SOCS2: variants seen among roughly 807,000 people sequenced by gnomAD.
SOCS2 encodes the protein suppressor of cytokine signaling 2, also known as CIS-2.
Under a neutral mutation model 18.6 loss-of-function variants are expected in SOCS2, and 10 were observed. That is an observed-to-expected ratio of 0.54 (90% CI 0.33 to 0.91). The LOEUF is 0.91. SOCS2 is among the 40% of genes least tolerant of loss of function. The pLI is 0.02. For missense variants in SOCS2, 231 were observed against 247.2 expected, an observed-to-expected ratio of 0.93 and a Z score of 0.44; for synonymous variants, 104 against 104.0, an observed-to-expected ratio of 1.00 and a Z score of 0.00.
At chr12:93,613,476 T>A in the SOCS2 span, among the ~76,000 whole-genome samples, 1 of 152,200 alleles carries the variant, frequency 6.6e-6, no homozygotes, top group Non-Finnish European at 1.5e-5. Flanking sequence ...AGACTTGAGT[T>A]TGAGACCTAG....
chr12:93,582,211 CT>C (rs1192643209), intron 1 of SOCS2, among the ~76,000 whole-genome samples: 1 of 152,064 alleles, frequency 6.6e-6, no homozygotes, highest in Non-Finnish European at 1.5e-5. Flanking sequence ...TGGGGAAGAT[CT>C]TTTGGCTGAA....
At chr12:93,604,330 T>A in the SOCS2 span, among the ~76,000 whole-genome samples, 8 of 152,178 alleles carry the variant, frequency 5.3e-5, 1 homozygote, top group Admixed American at 5.2e-4. Flanking sequence ...AATGCCTATT[T>A]AAAAAAATTA....
the SOCS2 span, among the ~76,000 whole-genome samples, chr12:93,606,845 G>C: frequency 6.6e-6 from 1 of 152,088 alleles, no homozygotes; most frequent in South Asian, 2.1e-4. Context: ...TAGAAATGGG[G>C]CTTTGCCATG....
chr12:93,582,775 TA>T (rs1954557691), intron 1 of SOCS2, among the ~76,000 whole-genome samples: 3 of 152,254 alleles, frequency 2.0e-5, no homozygotes, highest in Middle Eastern at 3.4e-3. Flanking sequence ...CTGTTATCTG[TA>T]AATTGAAGAG....
chr12:93,578,344 G>A (rs1324657829), downstream of SOCS2, among the ~76,000 whole-genome samples: 3 of 152,146 alleles, frequency 2.0e-5, no homozygotes, highest in Non-Finnish European at 2.9e-5. Flanking sequence ...AGACAGAGAC[G>A]TCATCTTCGT....
the SOCS2 span, among the ~76,000 whole-genome samples, chr12:93,606,646 C>T: frequency 6.6e-5 from 10 of 152,050 alleles, no homozygotes; most frequent in East Asian, 1.5e-3. Context: ...TGAAAACAAG[C>T]ACACATTTAA....
chr12:93,602,177 C>T, the SOCS2 span, among the ~76,000 whole-genome samples: 1 of 152,200 alleles, frequency 6.6e-6, no homozygotes, highest in African/African-American at 2.4e-5. Context: ...CCTGAAGCCT[C>T]CATCTCCAGG....
At chr12:93,613,347 C>A in the SOCS2 span, among the ~76,000 whole-genome samples, 1 of 152,206 alleles carries the variant, frequency 6.6e-6, no homozygotes, top group Admixed American at 6.5e-5. Context: ...TTTCTGCAGC[C>A]CTGTTTTTTG....
chr12:93,599,153 T>A, the SOCS2 span, among the ~76,000 whole-genome samples: 1 of 150,692 alleles, frequency 6.6e-6, no homozygotes, highest in East Asian at 2.0e-4. Flanking sequence ...ATGTCCAGTT[T>A]GCTGTTGTGC....
chr12:93,598,920 T>A, the SOCS2 span, among the ~76,000 whole-genome samples: 4 of 152,304 alleles, frequency 2.6e-5, no homozygotes, highest in South Asian at 8.3e-4. Context: ...TCAAAATTGC[T>A]CTCCAAAGAG....
chr12:93,588,228 G>C (rs1007888194), downstream of SOCS2, among the ~76,000 whole-genome samples: 6 of 152,150 alleles, frequency 3.9e-5, no homozygotes, highest in African/African-American at 9.7e-5. Context: ...TGCTCTGATA[G>C]CATATTACAG....
At chr12:93,610,350 G>T in the SOCS2 span, among the ~76,000 whole-genome samples, 1 of 152,082 alleles carries the variant, frequency 6.6e-6, no homozygotes, top group African/African-American at 2.4e-5. Flanking sequence ...TCTGCCTGGA[G>T]GATTTGTTCA....
At chr12:93,611,815 T>C in the SOCS2 span, among the ~76,000 whole-genome samples, 1 of 152,220 alleles carries the variant, frequency 6.6e-6, no homozygotes, top group Admixed American at 6.5e-5. Context: ...TAATCAGTAC[T>C]ATTATGTGTA....
chr12:93,595,580 A>G, the SOCS2 span, among the ~76,000 whole-genome samples: 1 of 152,232 alleles, frequency 6.6e-6, no homozygotes, highest in Admixed American at 6.5e-5. Flanking sequence ...CTCACAGATT[A>G]AATCTGCTTT....
chr12:93,609,206 A>G, the SOCS2 span, among the ~76,000 whole-genome samples: 1 of 152,226 alleles, frequency 6.6e-6, no homozygotes, highest in African/African-American at 2.4e-5. Flanking sequence ...TGCCTGACCA[A>G]CATGGCAAAA....
At position 93,575,070 on chromosome 12, in the gene SOCS2, TG is replaced by T; in HGVS notation, c.489del (p.Gln164SerfsTer24). 6.2e-7 allele frequency: 1 copy of T among 1,614,122 alleles called. No homozygotes were observed. The highest frequency in any genetic ancestry group is 8.5e-7 in the Non-Finnish European group (1 of 1,179,982). On this transcript the variant is annotated frameshift_variant, in exon 2 of 2. Coordinates refer to ENST00000551556, the MANE Select transcript of SOCS2 (RefSeq NM_001270471.2). LOFTEE classifies it high-confidence loss of function. ...CCGCTCTACACGTCAGCACCATCTC[TG>T]CAGCATCTCTGTAGGCTCACCATTA... ...TKPLYTSAPSLQHLCRLTINK... is the reference protein window; with the variant it reads ...TKPLYTSAPSXQHLCRLTINK...
At chr12:93,571,845 C>G (rs1395990809), upstream of SOCS2, 1 of 422,362 alleles carries the variant, frequency 2.4e-6, no homozygotes, top group Non-Finnish European at 4.7e-6. Context: ...CCCCCCACCC[C>G]CCCGCCCCAT....
chr12:93,613,061 A>C, the SOCS2 span, among the ~76,000 whole-genome samples: 2 of 152,100 alleles, frequency 1.3e-5, no homozygotes, highest in Non-Finnish European at 2.9e-5. Flanking sequence ...CAATTCAGGA[A>C]CTCCGGCACT....
At chr12:93,624,227 C>T in the SOCS2 span, among the ~76,000 whole-genome samples, 2 of 152,188 alleles carry the variant, frequency 1.3e-5, no homozygotes, top group Non-Finnish European at 2.9e-5. Flanking sequence ...TCACCAGACA[C>T]GAAACCTGCC....
Sources: gnomAD v4.1 joint callset for allele counts (sites outside exome capture counted in the v4.1 genomes callset) on GRCh38, gnomAD v4.1.1 for gene constraint, MANE v1.5 for transcripts, NCBI Gene and HGNC (gene_info 2026-07-23, HGNC 2026-07-21) for gene names.